EGFLAM: variants seen among roughly 807,000 people sequenced by gnomAD.
EGFLAM encodes pikachurin.
A neutral mutation model predicts 113.1 loss-of-function variants in EGFLAM; 79 were observed. The ratio of observed to expected loss-of-function variants is 0.70; its 90% CI spans 0.58 to 0.84. The LOEUF is 0.84. Ranked by LOEUF, EGFLAM falls within the 40% of genes least tolerant of loss-of-function variation. The pLI is 0.00. For synonymous variants in EGFLAM, 504 were observed against 487.6 expected, an observed-to-expected ratio of 1.03 and a Z score of -0.44; for missense variants, 1,265 against 1,291.6, an observed-to-expected ratio of 0.98 and a Z score of 0.32.
In EGFLAM at chr5:38,440,651, G is replaced by A. The variant is rs572655991; in HGVS notation, c.2464+2196G>A. Among the ~76,000 whole-genome samples the A allele has an allele frequency of 4.6e-5, 7 of 152,286 alleles. No individual in the cohort carries two copies. The Middle Eastern group carries it at 0.01, about 222-fold the overall frequency. On this transcript the variant is annotated intron_variant, in intron 17 of 21. Transcript: ENST00000322350. ...GTCAGAAAGAATCCTGTCTCATCCA[G>A]CAAGGTGATTTTTAGCCTCATATAT...
chr5:38,376,610 T>G (rs1022772143), intron 6 of EGFLAM, among the ~76,000 whole-genome samples: 1 of 152,170 alleles, frequency 6.6e-6, no homozygotes. Context: ...CTCTCTTCCC[T>G]CAGATCTTTC....
chr5:38,276,888 C>G (rs773445676), intron 1 of EGFLAM, among the ~76,000 whole-genome samples: 1 of 151,978 alleles, frequency 6.6e-6, no homozygotes, highest in Non-Finnish European at 1.5e-5. Context: ...CTGAACATAC[C>G]AATAATGAGT....
At chr5:38,269,457 C>G (rs1026094646) in intron 1 of EGFLAM, among the ~76,000 whole-genome samples, 1 of 151,066 alleles carries the variant, frequency 6.6e-6, no homozygotes, top group African/African-American at 2.4e-5. Flanking sequence ...TCAACAAAAA[C>G]AAATTGATAC....
chr5:38,457,105 C>T (rs1231623278), intron 19 of EGFLAM, among the ~76,000 whole-genome samples: 1 of 152,144 alleles, frequency 6.6e-6, no homozygotes, highest in African/African-American at 2.4e-5. Context: ...CTAGAGAAAC[C>T]TGATAGCAGA....
intron 10 of EGFLAM, among the ~76,000 whole-genome samples, chr5:38,410,344 T>A (rs999491565): frequency 5.3e-5 from 8 of 152,170 alleles, no homozygotes; most frequent in African/African-American, 1.9e-4. Flanking sequence ...ACTTGGAGGA[T>A]CGGATAGACT....
chr5:38,286,848 G>A (rs557133216), intron 1 of EGFLAM, among the ~76,000 whole-genome samples: 1 of 152,314 alleles, frequency 6.6e-6, no homozygotes, highest in East Asian at 1.9e-4. Context: ...GGTGACCAAT[G>A]TGTGAATATA....
intron 10 of EGFLAM, among the ~76,000 whole-genome samples, chr5:38,409,740 A>G (rs1466385018): frequency 1.3e-5 from 2 of 152,116 alleles, no homozygotes; most frequent in Non-Finnish European, 2.9e-5. Flanking sequence ...CCAACCTCCT[A>G]TGGGCTTACC....
At chr5:38,396,063 T>TTTTTTTTTTTTTTTTTTTGAGACGG (rs1482050151) in intron 6 of EGFLAM, among the ~76,000 whole-genome samples, 1 of 151,962 alleles carries the variant, frequency 6.6e-6, no homozygotes, top group Non-Finnish European at 1.5e-5. Context: ...ACCCACTCTT[T>TTTTTTTTTTTTTTTTTTTGAGACGG]AAAAGCCTCC....
intron 1 of EGFLAM, among the ~76,000 whole-genome samples, chr5:38,332,438 A>C (rs1739070338): frequency 6.6e-6 from 1 of 151,594 alleles, no homozygotes; most frequent in Admixed American, 6.6e-5. Context: ...CCCTCCACCC[A>C]CTCTCCCCCA....
chr5:38,372,830 G>C (rs988972872), intron 6 of EGFLAM, among the ~76,000 whole-genome samples: 1 of 152,098 alleles, frequency 6.6e-6, no homozygotes, highest in South Asian at 2.1e-4. Flanking sequence ...TATTTCAATC[G>C]TGGTTTTTCT....
intron 2 of EGFLAM, 140 bp from the exon 3 acceptor site, chr5:38,338,558 A>T: frequency 1.4e-6 from 1 of 729,246 alleles, no homozygotes; most frequent in East Asian, 2.7e-5. Flanking sequence ...AGTAGGTCTG[A>T]TGTGTGTTCC....
chr5:38,365,359 C>T (rs947725427), intron 5 of EGFLAM, among the ~76,000 whole-genome samples: 9 of 152,090 alleles, frequency 5.9e-5, no homozygotes, highest in African/African-American at 1.7e-4. Context: ...TATATCTTAC[C>T]GTGGATCATT....
At chr5:38,327,606 T>A (rs1198607536) in intron 1 of EGFLAM, among the ~76,000 whole-genome samples, 1 of 152,216 alleles carries the variant, frequency 6.6e-6, no homozygotes, top group African/African-American at 2.4e-5. Flanking sequence ...ACAAGCCTCT[T>A]TTTTTAATAG....
intron 1 of EGFLAM, among the ~76,000 whole-genome samples, chr5:38,259,411 A>T (rs917178676): frequency 6.6e-6 from 1 of 152,182 alleles, no homozygotes; most frequent in Non-Finnish European, 1.5e-5. Flanking sequence ...CCGTGTTTTG[A>T]ACTCCTGTCT....
chr5:38,356,635 C>T (rs1245511820), intron 5 of EGFLAM, among the ~76,000 whole-genome samples: 2 of 152,186 alleles, frequency 1.3e-5, no homozygotes, highest in African/African-American at 4.8e-5. Flanking sequence ...ACCCAGCCTG[C>T]CCAGAGCCCT....
intron 12 of EGFLAM, among the ~76,000 whole-genome samples, chr5:38,423,936 C>T (rs1313282425): frequency 2.0e-5 from 3 of 152,106 alleles, no homozygotes; most frequent in Non-Finnish European, 4.4e-5. Flanking sequence ...TTCATCCTGC[C>T]GAGATGACAC....
intron 1 of EGFLAM, among the ~76,000 whole-genome samples, chr5:38,259,985 C>T (rs1321779215): frequency 6.6e-6 from 1 of 152,214 alleles, no homozygotes; most frequent in Non-Finnish European, 1.5e-5. Context: ...CGTCCTCAGT[C>T]TTTGCACTGT....
At chr5:38,396,063 T>TTTTTTTTTTTTTTTTTTTTTGAG (rs1482050151) in intron 6 of EGFLAM, among the ~76,000 whole-genome samples, 2 of 151,964 alleles carry the variant, frequency 1.3e-5, no homozygotes, top group Non-Finnish European at 2.9e-5. Flanking sequence ...ACCCACTCTT[T>TTTTTTTTTTTTTTTTTTTTTGAG]AAAAGCCTCC....
intron 3 of EGFLAM, among the ~76,000 whole-genome samples, chr5:38,340,639 A>G (rs1056009846): frequency 1.3e-5 from 2 of 152,040 alleles, no homozygotes; most frequent in African/African-American, 4.8e-5. Context: ...TTGAAGAGGG[A>G]TAGGTAGGTG....
Sources: allele counts gnomAD v4.1 joint callset (sites outside exome capture counted in the v4.1 genomes callset), GRCh38; gene constraint gnomAD v4.1.1; transcripts MANE v1.5; gene names NCBI Gene and HGNC (gene_info 2026-07-23, HGNC 2026-07-21).